The following FXR1 variants were observed in gnomAD, a reference collection of about 807,000 sequenced individuals.
FXR1 encodes FMR1 autosomal homolog 1.
In FXR1, 15 loss-of-function variants were observed where a neutral mutation model predicts 84.0. The ratio of observed to expected loss-of-function variants is 0.18; its 90% CI spans 0.12 to 0.27. FXR1 has a LOEUF of 0.27. Ranked by LOEUF, FXR1 falls within the 10% of genes least tolerant of loss-of-function variation. FXR1 has a pLI of 1.00. For missense variants in FXR1, 480 were observed against 774.4 expected, an observed-to-expected ratio of 0.62 and a Z score of 4.51; for synonymous variants, 245 against 250.7, an observed-to-expected ratio of 0.98 and a Z score of 0.21.
Position 180,955,104 on chromosome 3 carries a change from A to G in FXR1, c.880+1264A>G, listed in dbSNP as rs191618975. Among the ~76,000 whole-genome samples the G allele has an allele frequency of 2.1e-3, 317 of 149,724 alleles. 1 individual carries two copies. The highest frequency in any genetic ancestry group is 7.3e-3 in the African/African-American group (296 of 40,692). On this transcript the variant is annotated intron_variant, in intron 9 of 16. Transcript: ENST00000357559. The stretch of plus-strand genomic sequence containing the variant: ...CTGCCTCCTGGGTTCAAGCGATTCT[A>G]CTGCCTCAGCCTCCCAAGTAGCTGG...
intron 14 of FXR1, among the ~76,000 whole-genome samples, chr3:180,968,869 G>C (rs1264308988): frequency 6.6e-6 from 1 of 152,156 alleles, no homozygotes; most frequent in Non-Finnish European, 1.5e-5. Flanking sequence ...GGAGTTTCCA[G>C]AATATCCTTG....
chr3:180,959,020 A>T lies in FXR1; in HGVS notation c.990+1092A>T, dbSNP rs565689996. On this transcript the variant is annotated intron_variant, in intron 10 of 16. Coordinates refer to ENST00000357559, the MANE Select transcript of FXR1 (RefSeq NM_005087.4). The stretch of plus-strand genomic sequence containing the variant: ...ATGGGGTTTCACCATGTTGGCCAGG[A>T]TGGTCTCGATCTCTTGACCTTGTGA... Among the ~76,000 whole-genome samples, 10 of 152,046 alleles carry T rather than the reference A, an allele frequency of 6.6e-5. No individual in the cohort carries two copies. The South Asian group carries it at 2.1e-3, about 32-fold the overall frequency.
chr3:180,945,198 AT>A (rs1721570473), intron 3 of FXR1, among the ~76,000 whole-genome samples: 1 of 152,166 alleles, frequency 6.6e-6, no homozygotes, highest in Non-Finnish European at 1.5e-5. Flanking sequence ...ATGACATCTC[AT>A]TCTATTGAAG....
chr3:180,974,845 A>G (rs958787008), intron 15 of FXR1, among the ~76,000 whole-genome samples: 1 of 151,912 alleles, frequency 6.6e-6, no homozygotes, highest in African/African-American at 2.4e-5. Context: ...TTAAAAAAAA[A>G]CACACACACA....
intron 1 of FXR1, among the ~76,000 whole-genome samples, chr3:180,931,960 C>T (rs183186038): frequency 3.8e-4 from 56 of 148,410 alleles, no homozygotes; most frequent in African/African-American, 1.4e-3. Context: ...AGGATGGTCT[C>T]GAACTCTTGA....
chr3:180,924,019 C>T (rs34161981), intron 1 of FXR1, among the ~76,000 whole-genome samples: 25,883 of 151,928 alleles, frequency 0.17, 2,427 homozygotes, highest in Middle Eastern at 0.24. Flanking sequence ...AGTGCAGTGG[C>T]GTGGTCTTGG....
intron 9 of FXR1, among the ~76,000 whole-genome samples, chr3:180,955,976 T>C (rs1722706049): frequency 6.6e-6 from 1 of 152,192 alleles, no homozygotes; most frequent in African/African-American, 2.4e-5. Flanking sequence ...TCAGGAGTAG[T>C]ACAAGAATTT....
intron 3 of FXR1, among the ~76,000 whole-genome samples, chr3:180,937,754 C>T (rs1720689007): frequency 6.6e-6 from 1 of 151,990 alleles, no homozygotes; most frequent in Non-Finnish European, 1.5e-5. Context: ...GGAGTTAGTG[C>T]TTTCCCAGGT....
Position 180,961,420 on chromosome 3 carries a change from C to G in FXR1, c.991-48C>G, listed in dbSNP as rs756245420. ...GTTTCATGTCACTTTTAGGCTAGAA[C>G]TTTGTTAAAATATTAAACACTGAAT... On this transcript the variant is annotated intron_variant, in intron 10 of 16. Coordinates refer to ENST00000357559, the MANE Select transcript of FXR1 (RefSeq NM_005087.4). The G allele has an allele frequency of 3.4e-6, 3 of 891,076 alleles. No homozygotes were observed. In the African/African-American group the frequency reaches 5.4e-5, roughly 16 times the overall value. 55.2% of individuals were successfully genotyped at this position (891,076 alleles called of 1,614,324 possible).
At chr3:180,942,167 A>G (rs920173242) in intron 3 of FXR1, among the ~76,000 whole-genome samples, 2 of 151,982 alleles carry the variant, frequency 1.3e-5, no homozygotes, top group African/African-American at 4.8e-5. Context: ...TCATGAGGTC[A>G]GGAGATTGAG....
chr3:180,977,392 AAAAC>A lies in FXR1; in HGVS notation c.*1101_*1104del, dbSNP rs1444568130. The A allele has an allele frequency of 1.3e-5, 2 of 151,932 alleles. No individual in the cohort carries two copies. The allele number at this position is 151,932 out of a possible 1,614,324, so 9.4% of individuals were successfully genotyped here. On this transcript the variant is annotated 3_prime_UTR_variant, in exon 17 of 17. Transcript: ENST00000357559. Reference sequence around the variant, plus strand: ...AATAATACATGTGATAATTAGCAAAAAAACCTAACAAAATTCTAATCAAAGGCAA... The same window carrying A: ...AATAATACATGTGATAATTAGCAAAACTAACAAAATTCTAATCAAAGGCAA...
In FXR1 at chr3:180,982,405, C is replaced by G. The variant is rs368901111; in HGVS notation, c.*6113C>G. The G allele has an allele frequency of 6.6e-6, 1 of 151,982 alleles. No individual in the cohort carries two copies. Among genetic ancestry groups the G allele is most frequent in the African/African-American group, 2.4e-5 (1 of 41,408 alleles). 9.4% of individuals were successfully genotyped at this position (151,982 alleles called of 1,614,324 possible). On this transcript the variant is annotated 3_prime_UTR_variant, in exon 17 of 17. Coordinates refer to ENST00000357559, the MANE Select transcript of FXR1 (RefSeq NM_005087.4). ...TTGCCTAATAGCCTTCAATGAAACA[C>G]GGATTCTTCTACTTAAAAAAGGTAA...
At chr3:180,929,945 T>C (rs769058704) in intron 1 of FXR1, among the ~76,000 whole-genome samples, 5 of 152,220 alleles carry the variant, frequency 3.3e-5, no homozygotes, top group Admixed American at 6.5e-5. Flanking sequence ...GTAAATCTTA[T>C]GGCAGAATGA....
intron 11 of FXR1, 103 bp downstream of exon 11, chr3:180,961,657 T>C (rs1712135237): frequency 3.5e-6 from 2 of 573,468 alleles, no homozygotes; most frequent in Non-Finnish European, 6.3e-6. Context: ...TTAAACATTT[T>C]ATATTTGAAG....
chr3:180,951,769 A>C (rs1263160380), intron 8 of FXR1, among the ~76,000 whole-genome samples: 1 of 152,036 alleles, frequency 6.6e-6, no homozygotes, highest in Non-Finnish European at 1.5e-5. Flanking sequence ...TATTTTTTTG[A>C]ATGTTTACTG....
At chr3:180,962,632 G>C (rs1712262873) in intron 11 of FXR1, among the ~76,000 whole-genome samples, 1 of 152,084 alleles carries the variant, frequency 6.6e-6, no homozygotes, top group East Asian at 1.9e-4. Context: ...CCCCTTGATT[G>C]GGGAGAGTCC....
chr3:180,942,319 A>G (rs955275884), intron 3 of FXR1, among the ~76,000 whole-genome samples: 1 of 132,924 alleles, frequency 7.5e-6, no homozygotes, highest in Admixed American at 8.7e-5. Context: ...TGGAGCTCGC[A>G]GTGAGCTGAG....
chr3:180,972,736 C>G (rs1713741851), intron 15 of FXR1, among the ~76,000 whole-genome samples: 1 of 152,200 alleles, frequency 6.6e-6, no homozygotes, highest in Non-Finnish European at 1.5e-5. Context: ...ACAATGATTT[C>G]TGTTCCATAC....
Position 180,943,888 on chromosome 3 carries a change from C to T in FXR1, c.199-3977C>T, listed in dbSNP as rs377280988. On this transcript the variant is annotated intron_variant, in intron 3 of 16. Transcript: ENST00000357559. Reference sequence around the variant, plus strand: ...GAACTGCCTCTCTGAGATAGTTACTCGAATGGGCACCTTCTTTTGGTTGTT... The same window carrying T: ...GAACTGCCTCTCTGAGATAGTTACTTGAATGGGCACCTTCTTTTGGTTGTT... 2.6e-5 allele frequency among the ~76,000 whole-genome samples: 4 copies of T among 151,968 alleles called. No homozygotes were observed. In the East Asian group the frequency reaches 7.8e-4, roughly 29 times the overall value.
Sources: gnomAD v4.1 joint callset for allele counts (sites outside exome capture counted in the v4.1 genomes callset) on GRCh38, gnomAD v4.1.1 for gene constraint, MANE v1.5 for transcripts, NCBI Gene and HGNC (gene_info 2026-07-23, HGNC 2026-07-21) for gene names.